Variants in DIDO1 observed in about 807,000 individuals in gnomAD.
DIDO1 encodes death-inducer obliterator 1.
A neutral mutation model predicts 99.4 loss-of-function variants in DIDO1; 16 were observed. The ratio of observed to expected loss-of-function variants is 0.16; its 90% CI spans 0.11 to 0.24. The LOEUF is 0.24. Ranked by LOEUF, DIDO1 falls within the 10% of genes least tolerant of loss-of-function variation. The pLI, the probability that DIDO1 is intolerant of heterozygous loss-of-function variation, is 1.00. For missense variants in DIDO1, 2,996 were observed against 3,014.0 expected (o/e 0.99, Z 0.14); for synonymous variants, 1,366 against 1,239.1 (o/e 1.10, Z -2.15).
chr20:62,902,465 G>C (rs1482753928), intron 6 of DIDO1, among the ~76,000 whole-genome samples: 2 of 152,180 alleles, frequency 1.3e-5, no homozygotes, highest in African/African-American at 2.4e-5. Context: ...CTCTGGAGGA[G>C]ACAGATAAAA....
At position 62,894,086 on chromosome 20, in the gene DIDO1, G is replaced by T. The variant is rs1411295390; in HGVS notation, c.2681C>A (p.Pro894Gln). ...KSKHDSSAPD[P>Q]APDSADEVMP... ...CACCTCATCAGCTGAATCCGGAGCTGGGTCAGGTGCAGAGCTGTCATGCTT... is the reference window on the plus strand; with the variant it reads ...CACCTCATCAGCTGAATCCGGAGCTTGGTCAGGTGCAGAGCTGTCATGCTT... Residue 894 changes from proline (P) to glutamine (Q), a missense_variant, in exon 12 of 16, where the codon CCA becomes CAA. Physicochemically the swap from Pro to Gln is moderately conservative, Grantham distance 76 (BLOSUM62 -1). Transcript: ENST00000395343. This position sits in a 1 kb window ranked among gnomAD's most constrained non-coding sequence, Gnocchi z 4.4. 1 of 1,614,232 alleles carries T rather than the reference G, an allele frequency of 6.2e-7. No homozygotes were observed. Among genetic ancestry groups the T allele is most frequent in the Non-Finnish European group, 8.5e-7 (1 of 1,180,046 alleles).
At chr20:62,917,261 G>T (rs560825947) in intron 1 of DIDO1, among the ~76,000 whole-genome samples, 493 of 152,092 alleles carry the variant, frequency 3.2e-3, no homozygotes, top group African/African-American at 0.011. Context: ...AAACTCCTGG[G>T]ATCAAGTGAT....
At position 62,881,646 on chromosome 20, in the gene DIDO1, G is replaced by A. The variant is rs200199719; in HGVS notation, c.4310C>T (p.Ala1437Val). The A allele has an allele frequency of 6.2e-6, 10 of 1,612,594 alleles. No homozygotes were observed. Among genetic ancestry groups the A allele is most frequent in the South Asian group, 1.1e-5 (1 of 91,076 alleles). ...DPEDETILEE[A>V]KVTVDDLPNR... ...GGGCAGGTCATCAACAGTCACTTTC[G>A]CTTCTTCTAAGATGGTCTCATCCTC... The change falls in exon 16 of 16, where the codon GCG (alanine) becomes GTG (valine). Residue 1437 changes from alanine to valine, a missense_variant. Ala to Val is a moderately conservative substitution (Grantham distance 64). This residue lies in a region of DIDO1 where 1,562 missense variants were observed against 1,412.6 expected (regional missense o/e 1.11). Coordinates refer to ENST00000395343, the MANE Select transcript of DIDO1 (RefSeq NM_001193369.2). This position sits in a 1 kb window ranked among gnomAD's most constrained non-coding sequence, Gnocchi z 8.3.
Position 62,894,158 on chromosome 20 carries a change from T to C in DIDO1, c.2609A>G (p.Lys870Arg), listed in dbSNP as rs1438919566. 4 of 1,614,042 alleles carry C rather than the reference T, an allele frequency of 2.5e-6. No individual in the cohort carries two copies. The East Asian group carries it at 6.7e-5, about 27-fold the overall frequency. ...AACAGAAGCTGACAATTTTTGTTTTTTCGGAGCTGGCTCATCTTCTGCGGA... is the reference window on the plus strand; with the variant it reads ...AACAGAAGCTGACAATTTTTGTTTTCTCGGAGCTGGCTCATCTTCTGCGGA... ...VPSAEDEPAPKKQKLSASVKK... is the reference protein window; with the variant it reads ...VPSAEDEPAPRKQKLSASVKK... The change falls in exon 12 of 16, where the codon AAA (lysine) becomes AGA (arginine). Residue 870 changes from lysine to arginine, a missense_variant. Lys to Arg is a conservative substitution (Grantham distance 26, BLOSUM62 2). This residue lies in a region of DIDO1 where 898 missense variants were observed against 972.7 expected (regional missense o/e 0.92). Coordinates refer to ENST00000395343, the MANE Select transcript of DIDO1 (RefSeq NM_001193369.2). The surrounding 1 kb of genome is among the most constrained non-coding windows in gnomAD (Gnocchi z 4.4).
At chr20:62,908,492 G>C (rs764934238) in intron 4 of DIDO1, among the ~76,000 whole-genome samples, 1 of 152,142 alleles carries the variant, frequency 6.6e-6, no homozygotes, top group African/African-American at 2.4e-5. Flanking sequence ...GGAAACTCAC[G>C]CACCACAAAC....
At chr20:62,934,016 G>A (rs2065357004) in intron 1 of DIDO1, among the ~76,000 whole-genome samples, 1 of 152,178 alleles carries the variant, frequency 6.6e-6, no homozygotes, top group African/African-American at 2.4e-5. Flanking sequence ...TCAGCTGACT[G>A]TAAGGGCCAA....
intron 12 of DIDO1, among the ~76,000 whole-genome samples, chr20:62,893,169 G>A (rs6062739): frequency 0.014 from 2,125 of 152,174 alleles, 31 homozygotes; most frequent in Non-Finnish European, 0.023. Context: ...GGGACTACAC[G>A]CGTGCATTAC....
At chr20:62,891,337 G>GCCC in intron 14 of DIDO1, among the ~76,000 whole-genome samples, 182 bp from the exon 15 acceptor site, 1 of 152,324 alleles carries the variant, frequency 6.6e-6, no homozygotes, top group South Asian at 2.1e-4. Flanking sequence ...AGTGTCTGGA[G>GCCC]CCGAGCCGGC....
intron 1 of DIDO1, among the ~76,000 whole-genome samples, chr20:62,935,192 T>G (rs1468468462): frequency 6.6e-6 from 1 of 152,182 alleles, no homozygotes; most frequent in Non-Finnish European, 1.5e-5. Context: ...TGGTCTTCCT[T>G]CTTAGCTCCC....
At chr20:62,908,149 A>G (rs1321311804) in intron 4 of DIDO1, among the ~76,000 whole-genome samples, 1 of 151,892 alleles carries the variant, frequency 6.6e-6, no homozygotes, top group Non-Finnish European at 1.5e-5. Context: ...CCAGCTCATT[A>G]TTTATTTTTT....
chr20:62,882,277 C>T lies in DIDO1; in HGVS notation c.3679G>A (p.Ala1227Thr), dbSNP rs778058112. Reference sequence around the variant, plus strand: ...GGGACTGTGGCTACTTTTGGATAGGCCGGAACGTCCGCTTCTTCCGGTTGA... The same window carrying T: ...GGGACTGTGGCTACTTTTGGATAGGTCGGAACGTCCGCTTCTTCCGGTTGA... ...RLQPEEADVP[A>T]YPKVATVPQS... Residue 1227 changes from alanine to threonine, a missense_variant, in exon 16 of 16, where the codon GCC becomes ACC. Ala to Thr is a moderately conservative substitution (Grantham distance 58, BLOSUM62 0). Around this residue, in one of 5 missense-constraint regions of DIDO1, gnomAD observed 1,562 missense variants for 1,412.6 expected, o/e 1.11. Coordinates refer to ENST00000395343, the MANE Select transcript of DIDO1 (RefSeq NM_001193369.2). The T allele has an allele frequency of 2.5e-6, 4 of 1,613,954 alleles. No individual in the cohort carries two copies. Among genetic ancestry groups the T allele is most frequent in the Admixed American group, 1.7e-5 (1 of 60,016 alleles).
At position 62,879,433 on chromosome 20, in the gene DIDO1, G is replaced by A. The variant is rs2064157462; in HGVS notation, c.6523C>T (p.Arg2175Trp). The change falls in exon 16 of 16, where the codon CGG (arginine) becomes TGG (tryptophan). Residue 2175 changes from arginine to tryptophan, a missense_variant. Transcript: ENST00000395343. The surrounding 1 kb of genome is among the most constrained non-coding windows in gnomAD (Gnocchi z 6.3). ...RGKEWDRSRERSRNRERERDR... is the reference protein window; with the variant it reads ...RGKEWDRSREWSRNRERERDR... ...CGCTCGCGCTCTCGGTTCCTGCTCC[G>A]CTCCCGGCTGCGGTCCCACTCCTTG... 3.9e-6 allele frequency: 6 copies of A among 1,545,896 alleles called. No homozygotes were observed. The South Asian group carries it at 4.6e-5, about 12-fold the overall frequency.
chr20:62,906,702 C>T (rs538613964), intron 5 of DIDO1, among the ~76,000 whole-genome samples: 2,179 of 92,046 alleles, frequency 0.024, 58 homozygotes, highest in African/African-American at 0.11. Flanking sequence ...GATCTCTAAA[C>T]ATTCCAAATA....
intron 1 of DIDO1, among the ~76,000 whole-genome samples, chr20:62,921,184 C>A (rs1453685315): frequency 6.6e-6 from 1 of 152,226 alleles, no homozygotes; most frequent in African/African-American, 2.4e-5. Flanking sequence ...GCATGAGCCA[C>A]CGTGCCCGGC....
chr20:62,909,565 G>A (rs2064881964), intron 4 of DIDO1, 134 bp downstream of exon 4: 1 of 1,000,178 alleles, frequency 1.0e-6, no homozygotes, highest in South Asian at 1.6e-5. Flanking sequence ...CCCAGGTGGA[G>A]TGAGGCAGGA....
In DIDO1 at chr20:62,889,734, T is replaced by G. The variant is rs573258717; in HGVS notation, c.3541+1226A>C. On this transcript the variant is annotated intron_variant, in intron 15 of 15. Transcript: ENST00000395343. ...CTACCAGGGTCCTTTCTGCCACCCA[T>G]TAGGTGGCATCTCTTTATCCCAAGT... 14 of 985,412 alleles carry G rather than the reference T, an allele frequency of 1.4e-5. No individual in the cohort carries two copies. In the East Asian group the frequency reaches 1.4e-3, roughly 96 times the overall value. The allele number at this position is 985,412 out of a possible 1,614,324, so 61.0% of individuals were successfully genotyped here. A position where few individuals can be genotyped will look rare whatever the true frequency, so the allele number is the denominator to read the frequency against.
chr20:62,896,654 G>A lies in DIDO1; in HGVS notation c.1931C>T (p.Pro644Leu), dbSNP rs201145700. The stretch of plus-strand genomic sequence containing the variant: ...GGCTGGCGAGGCCATTGGAACAGAA[G>A]GTACCACTGGCTTCCTTACGGCTCC... The part of the protein sequence containing the change: ...LVGAVRKPVV[P>L]SVPMASPAPG... Residue 644 changes from proline (P) to leucine (L), a missense_variant, in exon 7 of 16, where the codon CCT becomes CTT. By Grantham distance (98) the Pro-to-Leu change is moderately conservative. Around this residue, in one of 5 missense-constraint regions of DIDO1, gnomAD observed 898 missense variants for 972.7 expected, o/e 0.92. Coordinates refer to ENST00000395343, the MANE Select transcript of DIDO1 (RefSeq NM_001193369.2). This position sits in a 1 kb window ranked among gnomAD's most constrained non-coding sequence, Gnocchi z 4.4. The A allele has an allele frequency of 1.9e-6, 3 of 1,614,160 alleles. No homozygotes were observed. Among genetic ancestry groups the A allele is most frequent in the South Asian group, 2.2e-5 (2 of 91,084 alleles).
At chr20:62,931,897 A>G (rs1380636755) in intron 1 of DIDO1, among the ~76,000 whole-genome samples, 1 of 152,236 alleles carries the variant, frequency 6.6e-6, no homozygotes, top group African/African-American at 2.4e-5. Context: ...CCAGATATGA[A>G]TAACTATATA....
At chr20:62,887,867 A>C in intron 15 of DIDO1, 1 of 985,518 alleles carries the variant, frequency 1.0e-6, no homozygotes, top group Non-Finnish European at 1.2e-6. Context: ...CAGGCCTCCC[A>C]GCTGCCCCCC....
Sources: allele counts gnomAD v4.1 joint callset (sites outside exome capture counted in the v4.1 genomes callset), GRCh38; gene constraint gnomAD v4.1.1; regional missense constraint gnomAD v4.1.1; non-coding constraint Gnocchi (gnomAD v3.1); transcripts MANE v1.5; gene names NCBI Gene and HGNC (gene_info 2026-07-23, HGNC 2026-07-21).